Variants in LRP1B observed in about 807,000 individuals in gnomAD.
LRP1B encodes LDL receptor related protein 1B.
Under a neutral mutation model 556.6 loss-of-function variants are expected in LRP1B, and 217 were observed. The ratio of observed to expected loss-of-function variants is 0.39; its 90% confidence interval spans 0.35 to 0.44. LRP1B has a LOEUF of 0.44. LRP1B is among the 20% of genes least tolerant of loss of function. The pLI is 1.00. For missense variants in LRP1B, 5,053 were observed against 5,620.8 expected (o/e 0.90, Z 3.23); for synonymous variants, 2,047 against 1,865.8 (o/e 1.10, Z -2.50).
intron 66 of LRP1B, among the ~76,000 whole-genome samples, chr2:140,433,791 T>A (rs1176503315): frequency 6.6e-6 from 1 of 152,046 alleles, no homozygotes; most frequent in Non-Finnish European, 1.5e-5. Flanking sequence ...ACTACTTTAA[T>A]TTCAATAAAT....
chr2:141,969,069 T>C (rs530444193), intron 1 of LRP1B, among the ~76,000 whole-genome samples: 1 of 151,580 alleles, frequency 6.6e-6, no homozygotes, highest in Non-Finnish European at 1.5e-5. Context: ...TATCCTGGCT[T>C]GGCAACCTGC....
chr2:140,783,837 C>T (rs1389034060), intron 32 of LRP1B, among the ~76,000 whole-genome samples: 1 of 152,110 alleles, frequency 6.6e-6, no homozygotes. Context: ...AAAGGATTAC[C>T]CCCCAGGACA....
chr2:141,942,317 A>C lies in LRP1B; in HGVS notation c.83-131916T>G, dbSNP rs114609328. 8.5e-3 allele frequency among the ~76,000 whole-genome samples: 1,300 copies of C among 152,250 alleles called. 20 individuals carry two copies. Among genetic ancestry groups the C allele is most frequent in the African/African-American group, 0.029 (1,198 of 41,544 alleles). ...ATAGTTATATGGGTAATTCTTTGAAATGCCTGTGAAGTACAGTAGCAGTTT... is the reference window on the plus strand; with the variant it reads ...ATAGTTATATGGGTAATTCTTTGAACTGCCTGTGAAGTACAGTAGCAGTTT... On this transcript the variant is annotated intron_variant, in intron 1 of 90. Coordinates refer to ENST00000389484, the MANE Select transcript of LRP1B (RefSeq NM_018557.3).
intron 3 of LRP1B, among the ~76,000 whole-genome samples, chr2:141,360,705 TC>T (rs1402913866): frequency 6.6e-6 from 1 of 152,094 alleles, no homozygotes; most frequent in Non-Finnish European, 1.5e-5. Flanking sequence ...CAAGGACAAT[TC>T]CCCGGCAGGA....
intron 35 of LRP1B, among the ~76,000 whole-genome samples, chr2:140,747,708 T>C (rs1479122699): frequency 6.6e-6 from 1 of 152,100 alleles, no homozygotes; most frequent in Non-Finnish European, 1.5e-5. Flanking sequence ...TAAATCTCTT[T>C]CATCTCAGAA....
At chr2:141,484,003 A>G (rs1335748152) in intron 2 of LRP1B, among the ~76,000 whole-genome samples, 7 of 152,010 alleles carry the variant, frequency 4.6e-5, no homozygotes, top group Non-Finnish European at 8.8e-5. Flanking sequence ...TTTTGTTGCC[A>G]TTGCTTTTGG....
intron 2 of LRP1B, among the ~76,000 whole-genome samples, chr2:141,664,665 T>G (rs1001039839): frequency 6.6e-6 from 1 of 152,098 alleles, no homozygotes; most frequent in African/African-American, 2.4e-5. Context: ...GAAGGACTTC[T>G]TCAAGAAGAA....
At chr2:140,267,852 A>T (rs1392827234) in intron 86 of LRP1B, among the ~76,000 whole-genome samples, 2 of 151,890 alleles carry the variant, frequency 1.3e-5, no homozygotes, top group African/African-American at 4.8e-5. Flanking sequence ...ACCACAATTA[A>T]CATATTTTTT....
intron 66 of LRP1B, among the ~76,000 whole-genome samples, chr2:140,398,498 G>GT (rs927770386): frequency 4.9e-5 from 7 of 142,542 alleles, no homozygotes; most frequent in Admixed American, 3.5e-4. Context: ...CAGATTTTCT[G>GT]TTTTTTCTCT....
intron 1 of LRP1B, among the ~76,000 whole-genome samples, chr2:141,985,388 ATT>A (rs145977032): frequency 0.028 from 4,199 of 152,222 alleles, 76 homozygotes; most frequent in Non-Finnish European, 0.042. Context: ...GAGGGTCACT[ATT>A]TTATATTTCG....
intron 11 of LRP1B, among the ~76,000 whole-genome samples, chr2:141,042,142 G>C (rs1342024570): frequency 6.6e-6 from 1 of 152,058 alleles, no homozygotes; most frequent in African/African-American, 2.4e-5. Context: ...AAGTGCCTTA[G>C]ACTCTATTTT....
intron 41 of LRP1B, among the ~76,000 whole-genome samples, chr2:140,619,519 A>T (rs190374100): frequency 2.6e-5 from 4 of 152,324 alleles, no homozygotes; most frequent in African/African-American, 9.6e-5. Context: ...TCTTGTGAAT[A>T]AACTGAAAAC....
intron 41 of LRP1B, among the ~76,000 whole-genome samples, chr2:140,607,770 G>T (rs1426611071): frequency 3.3e-5 from 5 of 151,912 alleles, no homozygotes; most frequent in African/African-American, 1.2e-4. Context: ...TTATCCAGTA[G>T]AAATTTTATA....
chr2:141,839,241 G>A (rs1697385123), intron 1 of LRP1B, among the ~76,000 whole-genome samples: 1 of 152,120 alleles, frequency 6.6e-6, no homozygotes, highest in Non-Finnish European at 1.5e-5. Flanking sequence ...ACCAAATGGT[G>A]AGGTGTTACT....
chr2:141,229,160 TA>T (rs1683365259), intron 6 of LRP1B, 22 bp downstream of exon 6: 1 of 1,609,732 alleles, frequency 6.2e-7, no homozygotes. Flanking sequence ...GGGTGGCATA[TA>T]ATATTTAATT....
intron 77 of LRP1B, among the ~76,000 whole-genome samples, chr2:140,344,578 A>G (rs2105102785): frequency 6.6e-6 from 1 of 152,024 alleles, no homozygotes; most frequent in African/African-American, 2.4e-5. Context: ...TGACTCCAAG[A>G]TGCTTATTTT....
At chr2:140,859,243 A>G (rs1573811635) in intron 27 of LRP1B, among the ~76,000 whole-genome samples, 1 of 152,204 alleles carries the variant, frequency 6.6e-6, no homozygotes, top group Admixed American at 6.5e-5. Context: ...AAAGAAAAAA[A>G]AAACCTTTTA....
At chr2:141,733,533 T>C (rs7586324) in intron 2 of LRP1B, among the ~76,000 whole-genome samples, 2 of 152,174 alleles carry the variant, frequency 1.3e-5, no homozygotes, top group Non-Finnish European at 2.9e-5. Context: ...TGTCATTTTA[T>C]GTACTTGCTT....
intron 31 of LRP1B, among the ~76,000 whole-genome samples, chr2:140,819,096 G>C (rs1334770177): frequency 6.6e-6 from 1 of 152,078 alleles, no homozygotes; most frequent in Non-Finnish European, 1.5e-5. Flanking sequence ...TGCCCTTGCT[G>C]CTCCACCATT....
Sources: gnomAD v4.1 joint callset for allele counts (sites outside exome capture counted in the v4.1 genomes callset) on GRCh38, gnomAD v4.1.1 for gene constraint, MANE v1.5 for transcripts, NCBI Gene and HGNC (gene_info 2026-07-23, HGNC 2026-07-21) for gene names.